NCOA5: variants seen among roughly 807,000 people sequenced by gnomAD.
The protein encoded by NCOA5 is NCoA-5.
In NCOA5, 12 loss-of-function variants were observed where a neutral mutation model predicts 59.0. The observed-to-expected ratio is 0.20, with a 90% confidence interval of 0.13 to 0.33. The LOEUF is 0.33. NCOA5 is among the 10% of genes least tolerant of loss of function. The pLI, the probability that NCOA5 is intolerant of heterozygous loss-of-function variation, is 1.00. For synonymous variants in NCOA5, 270 were observed against 275.5 expected (o/e 0.98, Z 0.20); for missense variants, 655 against 766.6 (o/e 0.85, Z 1.72).
Position 46,063,392 on chromosome 20 carries a change from C to G in NCOA5, c.1118G>C (p.Arg373Pro). Residue 373 changes from arginine to proline, a missense_variant, in exon 7 of 8, where the codon CGG becomes CCG. Arg to Pro is a moderately radical substitution (Grantham distance 103). This residue lies in a region of NCOA5 where 325 missense variants were observed against 353.2 expected (regional missense o/e 0.92). Transcript: ENST00000290231. ...IINYLRERKE[R>P]LMRSSTDSLP... The stretch of plus-strand genomic sequence containing the variant: ...AGAGTCGGTGCTGCTCCTCATCAGC[C>G]GCTCCTTCCGCTCTCGCAGGTAGTT... The G allele has an allele frequency of 6.2e-7, 1 of 1,613,710 alleles. No homozygotes were observed. The highest frequency in any genetic ancestry group is 8.5e-7 in the Non-Finnish European group (1 of 1,179,986).
At chr20:46,073,902 C>T (rs1478767452) in intron 2 of NCOA5, among the ~76,000 whole-genome samples, 2 of 152,174 alleles carry the variant, frequency 1.3e-5, no homozygotes, top group Non-Finnish European at 2.9e-5. Flanking sequence ...GGGCAAGCCC[C>T]ACCCTTTCCC....
Position 46,062,193 on chromosome 20 carries a change from G to T in NCOA5, c.*107C>A. 1 of 820,372 alleles carries T rather than the reference G, an allele frequency of 1.2e-6. No individual in the cohort carries two copies. The highest frequency in any genetic ancestry group is 1.9e-6 in the Non-Finnish European group (1 of 534,466). 50.8% of individuals were successfully genotyped at this position (820,372 alleles called of 1,614,324 possible). A position where few individuals can be genotyped will look rare whatever the true frequency, so the allele number is the denominator to read the frequency against. ...GTGGTAGAAATTGATGACACTCGAT[G>T]CCGGCCTGGGAGCGCAGAGAACATC... On this transcript the variant is annotated 3_prime_UTR_variant, in exon 8 of 8. Transcript: ENST00000290231.
intron 2 of NCOA5, among the ~76,000 whole-genome samples, chr20:46,073,117 G>A (rs2084902295): frequency 6.6e-6 from 1 of 152,162 alleles, no homozygotes; most frequent in Non-Finnish European, 1.5e-5. Context: ...TTAATGAATT[G>A]AATTATTCTA....
chr20:46,079,476 C>T, intron 1 of NCOA5, 23 bp from the exon 2 acceptor site: 4 of 1,556,290 alleles, frequency 2.6e-6, no homozygotes, highest in Non-Finnish European at 3.5e-6. Context: ...ATCAACCCAT[C>T]TGTTCAATGC....
Position 46,062,052 on chromosome 20 carries a change from T to C in NCOA5, c.*248A>G, listed in dbSNP as rs191211729. ...CAAATACAAGCCCAGACACCTGTACTGCCCCCGGAGATATTTATTTTCTAC... is the reference window on the plus strand; with the variant it reads ...CAAATACAAGCCCAGACACCTGTACCGCCCCCGGAGATATTTATTTTCTAC... On this transcript the variant is annotated 3_prime_UTR_variant, in exon 8 of 8. Transcript: ENST00000290231. 2.5e-4 allele frequency: 95 copies of C among 380,796 alleles called. No homozygotes were observed. The highest frequency in any genetic ancestry group is 3.9e-4 in the Non-Finnish European group (83 of 211,304). 23.6% of individuals were successfully genotyped at this position (380,796 alleles called of 1,614,324 possible). A position where few individuals can be genotyped will look rare whatever the true frequency, so the allele number is the denominator to read the frequency against.
chr20:46,088,157 TC>T (rs1225078080), intron 1 of NCOA5, among the ~76,000 whole-genome samples: 5 of 152,206 alleles, frequency 3.3e-5, no homozygotes, highest in Non-Finnish European at 5.9e-5. Flanking sequence ...AGTAAGTTAA[TC>T]TGTCAATGCC....
intron 1 of NCOA5, among the ~76,000 whole-genome samples, chr20:46,085,744 T>C (rs1366379241): frequency 2.6e-5 from 4 of 152,130 alleles, no homozygotes; most frequent in Admixed American, 2.6e-4. Context: ...AGATCCAGAT[T>C]GCAAAACACT....
chr20:46,072,928 ATGTC>A (rs1325544323), intron 2 of NCOA5, among the ~76,000 whole-genome samples: 1 of 152,358 alleles, frequency 6.6e-6, no homozygotes, highest in African/African-American at 2.4e-5. Context: ...ATGTAGAACA[ATGTC>A]TGTTATACGA....
intron 2 of NCOA5, among the ~76,000 whole-genome samples, chr20:46,076,267 T>C (rs2145542866): frequency 6.6e-6 from 1 of 152,338 alleles, no homozygotes; most frequent in South Asian, 2.1e-4. Flanking sequence ...TAAAGGCAGT[T>C]TGTTGTTGTC....
At chr20:46,067,476 C>G (rs6074006) in intron 4 of NCOA5, among the ~76,000 whole-genome samples, 3 of 152,090 alleles carry the variant, frequency 2.0e-5, no homozygotes, top group African/African-American at 4.8e-5. Context: ...TTCTCCACAC[C>G]TTAGTCAACA....
In NCOA5 at chr20:46,061,559, T is replaced by A. The variant is rs1278271704; in HGVS notation, c.*741A>T. The A allele has an allele frequency of 1.3e-5, 2 of 152,586 alleles. No individual in the cohort carries two copies. Among genetic ancestry groups the A allele is most frequent in the Non-Finnish European group, 2.9e-5 (2 of 68,078 alleles). 9.5% of individuals were successfully genotyped at this position (152,586 alleles called of 1,614,324 possible). ...AGAGGGGGATGCTGACAGAACTGGT[T>A]AACAGGGAAGAGTGGTGGGGCCCAG... On this transcript the variant is annotated 3_prime_UTR_variant, in exon 8 of 8. Transcript: ENST00000290231.
intron 7 of NCOA5, 73 bp downstream of exon 7, chr20:46,063,287 C>T: frequency 3.3e-6 from 5 of 1,496,286 alleles, no homozygotes; most frequent in Non-Finnish European, 4.5e-6. Flanking sequence ...GGGCCTGACA[C>T]CCTCCCAACA....
At chr20:46,071,427 C>T (rs1242733820) in intron 2 of NCOA5, among the ~76,000 whole-genome samples, 2 of 152,208 alleles carry the variant, frequency 1.3e-5, no homozygotes, top group East Asian at 1.9e-4. Context: ...ACTTGTGTCC[C>T]GTTCACTTTT....
intron 1 of NCOA5, among the ~76,000 whole-genome samples, chr20:46,081,901 CAT>C (rs1024200360): frequency 2.6e-5 from 4 of 151,970 alleles, no homozygotes; most frequent in Admixed American, 6.6e-5. Flanking sequence ...AATCCTAACA[CAT>C]GTGCACATAG....
At chr20:46,064,913 C>T (rs1054718346) in intron 6 of NCOA5, 116 bp downstream of exon 6, 4 of 948,888 alleles carry the variant, frequency 4.2e-6, no homozygotes, top group African/African-American at 3.2e-5. Flanking sequence ...AGAGAGGGGC[C>T]CTACCATATA....
Position 46,062,778 on chromosome 20 carries a change from G to A in NCOA5, c.1262C>T (p.Pro421Leu). 6.3e-7 allele frequency: 1 copy of A among 1,599,596 alleles called. No individual in the cohort carries two copies. Among genetic ancestry groups the A allele is most frequent in the Non-Finnish European group, 8.5e-7 (1 of 1,172,152 alleles). Residue 421 changes from proline (P) to leucine (L), a missense_variant, in exon 8 of 8, where the codon CCA (proline) becomes CTA (leucine). Physicochemically the swap from Pro to Leu is moderately conservative, Grantham distance 98. Transcript: ENST00000290231. ...GQVLPSATPT[P>L]SAPPTSQQEL... ...TTGCTGGGAGGTGGGGGGTGCAGAT[G>A]GAGTGGGTGTAGCAGAGGGGAGCAC...
At chr20:46,086,649 AAT>A (rs759420403) in intron 1 of NCOA5, among the ~76,000 whole-genome samples, 1 of 152,236 alleles carries the variant, frequency 6.6e-6, no homozygotes, top group South Asian at 2.1e-4. Context: ...GGTCTAAACA[AAT>A]ATATGTGCTA....
In NCOA5 at chr20:46,062,618, T is replaced by C. The variant is rs766683380; in HGVS notation, c.1422A>G (p.Gln474=). The stretch of plus-strand genomic sequence containing the variant: ...GATTGCCAGAAGCCTGTGATCTTTG[T>C]TGAGGCTGGCTGTTTGCTGCTGTGG... The part of the protein sequence containing the change: ...NFSTAANSQP[Q]QRSQASGNQP... Residue 474 remains glutamine, a synonymous_variant, in exon 8 of 8, where the codon CAA becomes CAG. Transcript: ENST00000290231. 3 of 1,614,094 alleles carry C rather than the reference T, an allele frequency of 1.9e-6. No homozygotes were observed. Among genetic ancestry groups the C allele is most frequent in the African/African-American group, 1.3e-5 (1 of 74,930 alleles).
intron 4 of NCOA5, among the ~76,000 whole-genome samples, chr20:46,067,446 G>A (rs1429544053): frequency 6.6e-6 from 1 of 152,134 alleles, no homozygotes; most frequent in Non-Finnish European, 1.5e-5. Flanking sequence ...CTCCACAGAG[G>A]TAGATCATCT....
Sources: gnomAD v4.1 joint callset for allele counts (sites outside exome capture counted in the v4.1 genomes callset) on GRCh38, gnomAD v4.1.1 for gene constraint, gnomAD v4.1.1 regional missense constraint, MANE v1.5 for transcripts, NCBI Gene and HGNC (gene_info 2026-07-23, HGNC 2026-07-21) for gene names.